Variants in CNTN5 observed in about 807,000 individuals in gnomAD.
CNTN5 encodes the protein contactin 5, also known as contactin-5.
Under a neutral mutation model 129.1 loss-of-function variants are expected in CNTN5, and 77 were observed. The observed-to-expected ratio is 0.60, with a 90% CI of 0.50 to 0.72. CNTN5 has a LOEUF of 0.72. Ranked by LOEUF, CNTN5 falls within the 30% of genes least tolerant of loss-of-function variation. The pLI, the probability that CNTN5 is intolerant of heterozygous loss-of-function variation, is 0.00. For synonymous variants in CNTN5, 509 were observed against 465.6 expected, an observed-to-expected ratio of 1.09 and a Z score of -1.20; for missense variants, 1,478 against 1,328.8, an observed-to-expected ratio of 1.11 and a Z score of -1.75.
intron 3 of CNTN5, among the ~76,000 whole-genome samples, chr11:99,768,646 TAACTATTTTGATA>T (rs1268407421): frequency 7.2e-5 from 11 of 152,150 alleles, no homozygotes; most frequent in Non-Finnish European, 1.2e-4. Flanking sequence ...TTGAATTTAT[TAACTATTTTGATA>T]AAAAATGTTA....
intron 3 of CNTN5, among the ~76,000 whole-genome samples, chr11:99,690,303 C>G (rs948318612): frequency 7.2e-5 from 11 of 152,068 alleles, no homozygotes; most frequent in African/African-American, 9.7e-5. Context: ...TGTTCTTTCA[C>G]CAGTACCATG....
intron 2 of CNTN5, among the ~76,000 whole-genome samples, chr11:99,460,648 AC>A (rs1203573238): frequency 6.6e-6 from 1 of 151,984 alleles, no homozygotes; most frequent in African/African-American, 2.4e-5. Context: ...GACTGGACTT[AC>A]CCTCCTGCCT....
chr11:99,124,112 C>A (rs968227308), intron 1 of CNTN5, among the ~76,000 whole-genome samples: 2 of 151,974 alleles, frequency 1.3e-5, no homozygotes, highest in Admixed American at 6.6e-5. Flanking sequence ...TTATAAATGG[C>A]TTTATGCAAT....
chr11:99,187,807 A>G (rs1212238957), intron 1 of CNTN5, among the ~76,000 whole-genome samples: 1 of 151,732 alleles, frequency 6.6e-6, no homozygotes, highest in African/African-American at 2.4e-5. Flanking sequence ...TTTTTACCTT[A>G]ATTTTATTTA....
chr11:99,575,095 G>T (rs1317909764), intron 3 of CNTN5, among the ~76,000 whole-genome samples: 1 of 152,134 alleles, frequency 6.6e-6, no homozygotes, highest in Non-Finnish European at 1.5e-5. Flanking sequence ...ATATTCTAAT[G>T]TTGTTTTCCA....
At chr11:99,511,011 C>G (rs974121329) in intron 2 of CNTN5, among the ~76,000 whole-genome samples, 1 of 151,870 alleles carries the variant, frequency 6.6e-6, no homozygotes, top group Non-Finnish European at 1.5e-5. Context: ...TGATCCTGAC[C>G]CTTTGCAGGC....
chr11:100,094,768 GGA>G lies in CNTN5; in HGVS notation c.1580+20475_1580+20476del, dbSNP rs747909519. On this transcript the variant is annotated intron_variant, in intron 13 of 24. Coordinates refer to ENST00000524871, the MANE Select transcript of CNTN5 (RefSeq NM_014361.4). ...AAGAAGGAGGGAGGGAGGGAGGAAA[GGA>G]AGGAAGGAAGGAAGGAAGGAAGGAA... Among the ~76,000 whole-genome samples, 586 of 80,706 alleles carry G rather than the reference GGA, an allele frequency of 7.3e-3. 1 individual carries two copies. Among genetic ancestry groups the G allele is most frequent in the South Asian group, 0.03 (90 of 3,016 alleles). 52.9% of individuals were successfully genotyped at this position (80,706 alleles called of 152,430 possible).
At chr11:100,209,587 A>G (rs941670061) in intron 15 of CNTN5, among the ~76,000 whole-genome samples, 2 of 152,342 alleles carry the variant, frequency 1.3e-5, no homozygotes, top group Middle Eastern at 3.4e-3. Flanking sequence ...TAAATGGGTT[A>G]ATTGGTTTTT....
At chr11:99,904,987 TTGTC>T (rs142694116) in intron 6 of CNTN5, among the ~76,000 whole-genome samples, 13,679 of 152,132 alleles carry the variant, frequency 0.09, 1,334 homozygotes, top group African/African-American at 0.25. Context: ...TTTGATGGGT[TTGTC>T]TGTTCTTTTC....
chr11:99,676,745 C>A (rs1161554970), intron 3 of CNTN5, among the ~76,000 whole-genome samples: 2 of 152,048 alleles, frequency 1.3e-5, no homozygotes, highest in Admixed American at 6.6e-5. Flanking sequence ...TTAGTAAGTT[C>A]TTTAACTTGC....
intron 1 of CNTN5, among the ~76,000 whole-genome samples, chr11:99,324,592 TG>T (rs1310013189): frequency 6.6e-6 from 1 of 152,204 alleles, no homozygotes; most frequent in Non-Finnish European, 1.5e-5. Flanking sequence ...TTAAATTTAA[TG>T]GAAATATGAA....
intron 2 of CNTN5, among the ~76,000 whole-genome samples, chr11:99,376,570 T>G (rs928545533): frequency 5.9e-5 from 9 of 152,168 alleles, no homozygotes; most frequent in African/African-American, 2.2e-4. Flanking sequence ...CAAAGTCTAG[T>G]CAAGGTATCC....
intron 3 of CNTN5, among the ~76,000 whole-genome samples, chr11:99,672,482 G>A (rs1371022803): frequency 4.6e-5 from 7 of 151,752 alleles, no homozygotes. Context: ...GAGGGTGGCT[G>A]CAAGGCTTAC....
At chr11:99,030,733 T>C (rs1863331935) in intron 1 of CNTN5, among the ~76,000 whole-genome samples, 1 of 152,102 alleles carries the variant, frequency 6.6e-6, no homozygotes. Context: ...AAAAGTGATC[T>C]TATGAAACAG....
intron 3 of CNTN5, among the ~76,000 whole-genome samples, chr11:99,709,683 C>T (rs1170650728): frequency 6.6e-6 from 1 of 151,526 alleles, no homozygotes; most frequent in Non-Finnish European, 1.5e-5. Context: ...GTAAATAATG[C>T]CATCTAGTTT....
chr11:99,125,523 A>G (rs569181510), intron 1 of CNTN5, among the ~76,000 whole-genome samples: 117 of 152,268 alleles, frequency 7.7e-4, no homozygotes, highest in African/African-American at 2.1e-3. Context: ...AGCTGGAAGC[A>G]TTTCCCTGAA....
At chr11:99,710,667 C>T (rs561830656) in intron 3 of CNTN5, among the ~76,000 whole-genome samples, 5 of 150,800 alleles carry the variant, frequency 3.3e-5, no homozygotes, top group African/African-American at 9.8e-5. Flanking sequence ...TTTTTAGATA[C>T]GCAATCTCAC....
At chr11:100,181,249 G>A (rs933710866) in intron 13 of CNTN5, among the ~76,000 whole-genome samples, 5 of 151,874 alleles carry the variant, frequency 3.3e-5, no homozygotes. Flanking sequence ...ACTGATACAT[G>A]CAACAATTTG....
chr11:100,025,456 C>A (rs540148370), intron 9 of CNTN5, among the ~76,000 whole-genome samples: 1 of 152,276 alleles, frequency 6.6e-6, no homozygotes, highest in African/African-American at 2.4e-5. Flanking sequence ...CCTGCAGAGT[C>A]CCCACTGGGG....
Sources: allele counts gnomAD v4.1 joint callset (sites outside exome capture counted in the v4.1 genomes callset), GRCh38; gene constraint gnomAD v4.1.1; transcripts MANE v1.5; gene names NCBI Gene and HGNC (gene_info 2026-07-23, HGNC 2026-07-21).